The following C1orf87 variants were observed in gnomAD, a reference collection of about 807,000 sequenced individuals.
C1orf87 encodes the protein chromosome 1 open reading frame 87.
A neutral mutation model predicts 60.5 loss-of-function variants in C1orf87; 58 were observed. The ratio of observed to expected loss-of-function variants is 0.96; its 90% CI spans 0.78 to 1.19. The LOEUF (loss-of-function observed/expected upper bound fraction) is 1.19, where lower values mean the gene tolerates loss of function less well. Among genes scored for constraint, C1orf87 ranks in the 50% most tolerant of loss-of-function variants. The pLI is 0.00. For missense variants in C1orf87, 673 were observed against 638.6 expected (o/e 1.05, Z -0.58); for synonymous variants, 236 against 227.4 (o/e 1.04, Z -0.34).
At chr1:60,026,260 C>T (rs1217915751) in intron 7 of C1orf87, among the ~76,000 whole-genome samples, 3 of 152,194 alleles carry the variant, frequency 2.0e-5, no homozygotes, top group Non-Finnish European at 4.4e-5. Context: ...CACAGATCTG[C>T]TGCCTGTGAT....
At chr1:60,001,217 A>G (rs1645001874) in intron 9 of C1orf87, 61 bp from the exon 10 acceptor site, 2 of 1,186,618 alleles carry the variant, frequency 1.7e-6, no homozygotes, top group South Asian at 1.7e-5. Context: ...TTTAACACAC[A>G]CATATACACA....
At chr1:60,032,039 C>A (rs1344753959) in intron 7 of C1orf87, among the ~76,000 whole-genome samples, 1 of 152,062 alleles carries the variant, frequency 6.6e-6, no homozygotes, top group Non-Finnish European at 1.5e-5. Flanking sequence ...TGCCTTTGCA[C>A]AGTTGATTTT....
intron 2 of C1orf87, among the ~76,000 whole-genome samples, chr1:60,065,021 A>AT (rs1185161696): frequency 8.5e-6 from 1 of 117,006 alleles, no homozygotes; most frequent in African/African-American, 3.3e-5. Context: ...TATTAAATAT[A>AT]TATATTTAAT....
intron 3 of C1orf87, among the ~76,000 whole-genome samples, chr1:60,042,071 C>A (rs1003710636): frequency 4.6e-5 from 7 of 152,172 alleles, no homozygotes; most frequent in African/African-American, 7.2e-5. Flanking sequence ...TTCTTGAGGT[C>A]CTCAAGTAGC....
At chr1:60,054,531 G>T (rs1645438925) in intron 3 of C1orf87, among the ~76,000 whole-genome samples, 1 of 152,194 alleles carries the variant, frequency 6.6e-6, no homozygotes, top group Admixed American at 6.5e-5. Context: ...ATGCTTGGCA[G>T]CATTGCAAAA....
At chr1:60,013,194 G>C (rs1645101132) in intron 8 of C1orf87, among the ~76,000 whole-genome samples, 1 of 151,988 alleles carries the variant, frequency 6.6e-6, no homozygotes, top group African/African-American at 2.4e-5. Context: ...AGTTTCTTTA[G>C]TTGGGACTTC....
At chr1:60,005,333 G>T (rs1052055850) in intron 9 of C1orf87, among the ~76,000 whole-genome samples, 7 of 152,054 alleles carry the variant, frequency 4.6e-5, no homozygotes, top group Admixed American at 2.6e-4. Flanking sequence ...CTTACTATAT[G>T]CTGGGCACTA....
chr1:60,063,474 C>A (rs1401644897), intron 2 of C1orf87, among the ~76,000 whole-genome samples: 1 of 152,142 alleles, frequency 6.6e-6, no homozygotes, highest in Non-Finnish European at 1.5e-5. Flanking sequence ...CAGCACTGCT[C>A]TCAATTTTCC....
intron 2 of C1orf87, among the ~76,000 whole-genome samples, chr1:60,065,956 TAA>T (rs1645543576): frequency 6.6e-6 from 1 of 152,130 alleles, no homozygotes; most frequent in Non-Finnish European, 1.5e-5. Flanking sequence ...ATGGTGCACA[TAA>T]AAGTTATATT....
intron 4 of C1orf87, 114 bp downstream of exon 4, chr1:60,040,877 G>C (rs949072861): frequency 2.5e-6 from 3 of 1,180,210 alleles, no homozygotes; most frequent in African/African-American, 1.6e-5. Flanking sequence ...ACAGGTGTAA[G>C]CCACTATGAC....
intron 3 of C1orf87, among the ~76,000 whole-genome samples, chr1:60,052,747 G>A (rs557192003): frequency 1.4e-4 from 21 of 152,328 alleles, no homozygotes; most frequent in East Asian, 9.6e-4. Context: ...ATCTATGTGT[G>A]AGTGATAAGG....
At chr1:59,995,947 A>G (rs1293654147) in intron 11 of C1orf87, among the ~76,000 whole-genome samples, 5 of 152,220 alleles carry the variant, frequency 3.3e-5, no homozygotes, top group African/African-American at 1.2e-4. Flanking sequence ...ACTATGTCTC[A>G]TCCTTTCTGG....
chr1:60,061,886 G>A (rs1299817735), intron 2 of C1orf87, among the ~76,000 whole-genome samples: 11 of 151,094 alleles, frequency 7.3e-5, no homozygotes, highest in Admixed American at 7.3e-4. Context: ...AGGAGTTCCA[G>A]GCTGCAATGA....
intron 8 of C1orf87, chr1:60,011,069 T>C (rs1645081516): frequency 1.3e-5 from 2 of 151,892 alleles, no homozygotes; most frequent in African/African-American, 4.8e-5. Flanking sequence ...TGGAAAGCAT[T>C]ACAACAGAGA....
At chr1:60,028,538 A>G in intron 7 of C1orf87, among the ~76,000 whole-genome samples, 1 of 152,214 alleles carries the variant, frequency 6.6e-6, no homozygotes, top group East Asian at 1.9e-4. Context: ...TAATAAGGAA[A>G]TGTTTTTAAC....
At chr1:60,071,142 A>G (rs1391356774) in intron 2 of C1orf87, among the ~76,000 whole-genome samples, 3 of 152,212 alleles carry the variant, frequency 2.0e-5, no homozygotes, top group Non-Finnish European at 4.4e-5. Context: ...TAGGCATAGA[A>G]TATAAAAGGG....
intron 3 of C1orf87, among the ~76,000 whole-genome samples, chr1:60,053,907 C>A (rs545156935): frequency 1.3e-5 from 2 of 152,248 alleles, no homozygotes; most frequent in South Asian, 2.1e-4. Flanking sequence ...GTAGAAATAA[C>A]AATGGTATCT....
At chr1:60,036,240 C>G (rs1225810686) in intron 6 of C1orf87, among the ~76,000 whole-genome samples, 2 of 152,114 alleles carry the variant, frequency 1.3e-5, no homozygotes, top group Non-Finnish European at 2.9e-5. Flanking sequence ...CAAAGTAAGC[C>G]TGACAAACAG....
intron 11 of C1orf87, among the ~76,000 whole-genome samples, chr1:59,996,747 C>G (rs1287515115): frequency 1.3e-5 from 2 of 152,140 alleles, no homozygotes; most frequent in East Asian, 3.9e-4. Context: ...AAGAAATTCA[C>G]TTTTCTCTGA....
Sources: allele counts gnomAD v4.1 joint callset (sites outside exome capture counted in the v4.1 genomes callset), GRCh38; gene constraint gnomAD v4.1.1; transcripts MANE v1.5; gene names NCBI Gene and HGNC (gene_info 2026-07-23, HGNC 2026-07-21).